Variants in GLP2R observed in about 807,000 individuals in gnomAD.
GLP2R encodes the protein glucagon-like peptide 2 receptor.
A neutral mutation model predicts 68.2 loss-of-function variants in GLP2R; 59 were observed. The ratio of observed to expected loss-of-function variants is 0.87; its 90% CI spans 0.70 to 1.07. GLP2R has a LOEUF of 1.07. GLP2R is among the 50% of genes least tolerant of loss of function. The pLI, the probability that GLP2R is intolerant of heterozygous loss-of-function variation, is 0.00. For missense variants in GLP2R, 548 were observed against 677.4 expected (o/e 0.81, Z 2.12); for synonymous variants, 270 against 265.4 (o/e 1.02, Z -0.17).
chr17:9,835,967 A>T (rs1482635523), intron 2 of GLP2R, among the ~76,000 whole-genome samples: 1 of 147,618 alleles, frequency 6.8e-6, no homozygotes, highest in Non-Finnish European at 1.5e-5. Context: ...TGAGCCTGGG[A>T]CGTGGAGGTT....
chr17:9,858,781 T>C (rs919581905), intron 6 of GLP2R, among the ~76,000 whole-genome samples: 1 of 152,350 alleles, frequency 6.6e-6, no homozygotes, highest in Non-Finnish European at 1.5e-5. Flanking sequence ...TCTTTGGATC[T>C]TTTTCAAGTC....
chr17:9,875,795 C>T (rs1389837090), intron 10 of GLP2R, among the ~76,000 whole-genome samples: 3 of 152,224 alleles, frequency 2.0e-5, no homozygotes, highest in East Asian at 1.9e-4. Context: ...CAGCTCTCTT[C>T]CCCTAGATAA....
At chr17:9,884,866 C>A (rs1020590127) in intron 11 of GLP2R, among the ~76,000 whole-genome samples, 13 of 151,922 alleles carry the variant, frequency 8.6e-5, no homozygotes, top group African/African-American at 3.1e-4. Flanking sequence ...AAAAGGTAGT[C>A]CTAAATTAGA....
Position 9,833,898 on chromosome 17 carries a change from A to G in GLP2R, c.277+4A>G, listed in dbSNP as rs2066703829. On this transcript the variant is annotated splice_donor_region_variant and intron_variant, in intron 2 of 12. Coordinates refer to ENST00000262441, the MANE Select transcript of GLP2R (RefSeq NM_004246.3). ...GACTTACTCAAGGAACCTTCTGGTA[A>G]GCATGTGTATTAGTTATCCGTGGCT... 6.3e-7 allele frequency: 1 copy of G among 1,584,024 alleles called. No homozygotes were observed. Among genetic ancestry groups the G allele is most frequent in the African/African-American group, 1.3e-5 (1 of 74,378 alleles).
intron 4 of GLP2R, among the ~76,000 whole-genome samples, chr17:9,848,892 T>TGC (rs1476556694): frequency 1.4e-5 from 2 of 146,128 alleles, no homozygotes; most frequent in African/African-American, 2.5e-5. Flanking sequence ...TGTGTGTGTG[T>TGC]GTGCGCTCAC....
chr17:9,842,174 C>G (rs1318082261), intron 3 of GLP2R, among the ~76,000 whole-genome samples: 1 of 152,170 alleles, frequency 6.6e-6, no homozygotes, highest in East Asian at 1.9e-4. Context: ...CCCCACCTAG[C>G]AAGCATCAGG....
chr17:9,842,532 G>A lies in GLP2R; in HGVS notation c.420G>A (p.Gln140=). The A allele has an allele frequency of 6.2e-7, 1 of 1,614,108 alleles. No homozygotes were observed. Among genetic ancestry groups the A allele is most frequent in the South Asian group, 1.1e-5 (1 of 91,084 alleles). The stretch of plus-strand genomic sequence containing the variant: ...GGGCCTACAGACACTGCTTGGCTCA[G>A]GGGACTTGGCAGACGATAGAGAACG... ...SGRAYRHCLA[Q]GTWQTIENAT... The change falls in exon 4 of 13, where the codon CAG becomes CAA. Residue 140 remains glutamine (Q), a synonymous_variant. Transcript: ENST00000262441.
chr17:9,856,795 T>C (rs1329121798), intron 5 of GLP2R, among the ~76,000 whole-genome samples: 7 of 152,208 alleles, frequency 4.6e-5, no homozygotes, highest in Non-Finnish European at 1.0e-4. Context: ...TTCTTTCATT[T>C]ATAAAATCAG....
Position 9,889,636 on chromosome 17 carries a change from C to T in GLP2R, c.1593C>T (p.Ser531=), listed in dbSNP as rs151332857. ...HARWPRGSSL[S]ECSEGDVTMA... is the part of the protein sequence containing the mutation. ...GCTGGCCCCGGGGCAGCAGCCTGTC[C>T]GAGTGCAGTGAGGGGGATGTCACCA... The change falls in exon 13 of 13, where the codon TCC becomes TCT. Residue 531 remains serine (S), a synonymous_variant. Coordinates refer to ENST00000262441, the MANE Select transcript of GLP2R (RefSeq NM_004246.3). The T allele has an allele frequency of 3.4e-5, 55 of 1,611,982 alleles. No individual in the cohort carries two copies. Among genetic ancestry groups the T allele is most frequent in the African/African-American group, 2.0e-4 (15 of 74,882 alleles).
chr17:9,847,570 C>T (rs747600508), intron 4 of GLP2R, among the ~76,000 whole-genome samples: 8 of 151,956 alleles, frequency 5.3e-5, no homozygotes, highest in Non-Finnish European at 1.2e-4. Flanking sequence ...GCCCGGCCAT[C>T]GTTTAATTTT....
chr17:9,844,779 C>A (rs1465034659), intron 4 of GLP2R, among the ~76,000 whole-genome samples: 2 of 138,562 alleles, frequency 1.4e-5, no homozygotes, highest in Non-Finnish European at 3.0e-5. Context: ...CAACCTCTGC[C>A]TCCCGGGTTC....
At chr17:9,842,383 A>T in intron 3 of GLP2R, 112 bp from the exon 4 acceptor site, 1 of 1,351,720 alleles carries the variant, frequency 7.4e-7, no homozygotes, top group Non-Finnish European at 1.0e-6. Flanking sequence ...ATGAGCCCCC[A>T]AAAGGGGAAA....
At position 9,826,260 on chromosome 17, in the gene GLP2R, C is replaced by A; in HGVS notation, c.189+8C>A. The A allele has an allele frequency of 6.4e-7, 1 of 1,554,252 alleles. No individual in the cohort carries two copies. The highest frequency in any genetic ancestry group is 1.7e-4 in the Middle Eastern group (1 of 5,850). On this transcript the variant is annotated splice_region_variant and intron_variant, in intron 1 of 12. Coordinates refer to ENST00000262441, the MANE Select transcript of GLP2R (RefSeq NM_004246.3). ...CTGGTTTCCATCAAGCAAGTAAGAG[C>A]AGTTCATTATTATTATTATTATCAG... is the stretch of plus-strand genomic sequence containing the variant.
At chr17:9,885,094 C>T (rs1687399881) in intron 11 of GLP2R, among the ~76,000 whole-genome samples, 2 of 151,814 alleles carry the variant, frequency 1.3e-5, no homozygotes, top group Admixed American at 6.6e-5. Flanking sequence ...TGTTGGTCAT[C>T]TGATTCTGTG....
In GLP2R at chr17:9,832,477, G is replaced by A. The variant is rs149765718; in HGVS notation, c.190-1330G>A. Reference sequence around the variant, plus strand: ...ACTCAGGAGGTGAGGCAGGAGAATCGCTTGAACCCAGGAGGCGGAGGTTGC... The same window carrying A: ...ACTCAGGAGGTGAGGCAGGAGAATCACTTGAACCCAGGAGGCGGAGGTTGC... On this transcript the variant is annotated intron_variant, in intron 1 of 12. Coordinates refer to ENST00000262441, the MANE Select transcript of GLP2R (RefSeq NM_004246.3). Among the ~76,000 whole-genome samples the A allele has an allele frequency of 2.7e-4, 41 of 152,226 alleles. 1 individual carries two copies. In the East Asian group the frequency reaches 4.6e-3, roughly 17 times the overall value.
rs1294059961 is a variant in GLP2R, at chr17:9,856,183, T to C, written c.612-1240T>C. Among the ~76,000 whole-genome samples, 5 of 152,164 alleles carry C rather than the reference T, an allele frequency of 3.3e-5. No individual in the cohort carries two copies. In the East Asian group the frequency reaches 9.6e-4, roughly 29 times the overall value. On this transcript the variant is annotated intron_variant, in intron 5 of 12. Transcript: ENST00000262441. ...CTCTGCAACTTGTACACACTGATTA[T>C]CTGTGACCTCCTTCCTTCATGCCCT...
At chr17:9,888,682 G>A (rs2067264303) in intron 12 of GLP2R, among the ~76,000 whole-genome samples, 2 of 152,248 alleles carry the variant, frequency 1.3e-5, no homozygotes, top group South Asian at 4.2e-4. Flanking sequence ...GGCCAGGCTG[G>A]TCTCAAACTC....
intron 10 of GLP2R, among the ~76,000 whole-genome samples, chr17:9,872,448 G>A (rs530215268): frequency 6.6e-6 from 1 of 152,158 alleles, no homozygotes; most frequent in African/African-American, 2.4e-5. Context: ...GTGGTGGTGT[G>A]TGCCTGTAAT....
At chr17:9,874,329 TC>T (rs2067125328) in intron 10 of GLP2R, among the ~76,000 whole-genome samples, 1 of 152,028 alleles carries the variant, frequency 6.6e-6, no homozygotes, top group African/African-American at 2.4e-5. Context: ...ATTCCTTTTT[TC>T]CTCTCCCCTG....
Sources: allele counts gnomAD v4.1 joint callset (sites outside exome capture counted in the v4.1 genomes callset), GRCh38; gene constraint gnomAD v4.1.1; transcripts MANE v1.5; gene names NCBI Gene and HGNC (gene_info 2026-07-23, HGNC 2026-07-21).